Variants in KCNN4 observed in about 807,000 individuals in gnomAD.
The protein encoded by KCNN4 is potassium calcium-activated channel subfamily N member 4, also known as intermediate conductance calcium-activated potassium channel protein 4.
KCNN4 carries 31 observed loss-of-function variants against 45.2 expected under a neutral mutation model. The observed-to-expected ratio is 0.69, with a 90% CI of 0.52 to 0.92. KCNN4 has a LOEUF of 0.92. Among genes scored for constraint, KCNN4 ranks in the 40% least tolerant of loss-of-function variants. KCNN4 has a pLI of 0.00. For missense variants in KCNN4, 463 were observed against 574.0 expected (o/e 0.81, Z 1.98); for synonymous variants, 231 against 254.6 (o/e 0.91, Z 0.88).
chr19:43,780,457 C>T (rs1476432098), intron 1 of KCNN4, among the ~76,000 whole-genome samples: 1 of 135,278 alleles, frequency 7.4e-6, no homozygotes, highest in Non-Finnish European at 1.6e-5. Flanking sequence ...GAGTCCTGAC[C>T]CCCAGCCCCT....
chr19:43,770,724 T>C (rs1024894268), intron 4 of KCNN4, among the ~76,000 whole-genome samples: 1 of 152,128 alleles, frequency 6.6e-6, no homozygotes, highest in Non-Finnish European at 1.5e-5. Context: ...CTGGCAAGTG[T>C]GTAGGGCAGA....
At chr19:43,775,307 A>G (rs1969768484) in intron 2 of KCNN4, among the ~76,000 whole-genome samples, 1 of 152,214 alleles carries the variant, frequency 6.6e-6, no homozygotes, top group South Asian at 2.1e-4. Context: ...AGCCTGGGTG[A>G]CAGAGCGAGA....
chr19:43,774,313 C>A lies in KCNN4; in HGVS notation c.562G>T (p.Val188Phe). The A allele has an allele frequency of 6.2e-7, 1 of 1,612,172 alleles. No individual in the cohort carries two copies. Among genetic ancestry groups the A allele is most frequent in the Non-Finnish European group, 8.5e-7 (1 of 1,179,160 alleles). Residue 188 changes from valine (V) to phenylalanine (F), a missense_variant, in exon 3 of 9, where the codon GTC becomes TTC. Val to Phe is a conservative substitution (Grantham distance 50). Around this residue, in one of 3 missense-constraint regions of KCNN4, gnomAD observed 109 missense variants for 183.7 expected, o/e 0.59. Transcript: ENST00000648319. The surrounding 1 kb of genome is among the most constrained non-coding windows in gnomAD (Gnocchi z 5.6). ...GCCACGAACCAGTGGCGGAAGCGGA[C>A]TTGATTGAGAGCGCCGATGCTGCGG... ...SYRSIGALNQVRFRHWFVAKL... is the reference protein window; with the variant it reads ...SYRSIGALNQFRFRHWFVAKL...
In KCNN4 at chr19:43,774,651, A is replaced by G; in HGVS notation, c.256-32T>C. 1 of 1,474,964 alleles carries G rather than the reference A, an allele frequency of 6.8e-7. No homozygotes were observed. The allele number at this position is 1,474,964 out of a possible 1,614,324, so 91.4% of individuals were successfully genotyped here. A position where few individuals can be genotyped will look rare whatever the true frequency, so the allele number is the denominator to read the frequency against. Reference sequence around the variant, plus strand: ...GTAGGGGGCCAAGAAGGGAGGGGTCAGGAGCAGGTCAGGCGCAGGTCAGGC... The same window carrying G: ...GTAGGGGGCCAAGAAGGGAGGGGTCGGGAGCAGGTCAGGCGCAGGTCAGGC... On this transcript the variant is annotated intron_variant, in intron 2 of 8. Coordinates refer to ENST00000648319, the MANE Select transcript of KCNN4 (RefSeq NM_002250.3). The surrounding 1 kb of genome is among the most constrained non-coding windows in gnomAD (Gnocchi z 5.6).
intron 1 of KCNN4, among the ~76,000 whole-genome samples, chr19:43,780,348 C>A (rs972607473): frequency 9.2e-5 from 14 of 151,490 alleles, no homozygotes; most frequent in Admixed American, 2.0e-4. Flanking sequence ...AGTCTAGGCC[C>A]CCAACCTCTC....
rs199621066 is a variant in KCNN4 at position 43,771,958 on chromosome 19, A to T, written c.819+42T>A. ...GGCTTCCTGGGGCCAGAGGATGACC[A>T]GTTTGGGATAGGGATCATGTCCCCA... On this transcript the variant is annotated intron_variant, in intron 4 of 8. Transcript: ENST00000648319. 3 of 1,546,758 alleles carry T rather than the reference A, an allele frequency of 1.9e-6. No homozygotes were observed. In the South Asian group the frequency reaches 3.7e-5, roughly 19 times the overall value.
At chr19:43,778,548 CT>C (rs770038155) in intron 1 of KCNN4, among the ~76,000 whole-genome samples, 14 of 152,310 alleles carry the variant, frequency 9.2e-5, no homozygotes, top group Non-Finnish European at 1.3e-4. Context: ...CCTCTATTGT[CT>C]TTTCTAACGC....
At position 43,769,507 on chromosome 19, in the gene KCNN4, A is replaced by G. The variant is rs374835279; in HGVS notation, c.984T>C (p.His328=). The G allele has an allele frequency of 5.0e-6, 8 of 1,614,080 alleles. No individual in the cohort carries two copies. In the Middle Eastern group the frequency reaches 4.9e-4, roughly 99 times the overall value. Residue 328 remains histidine (H), a synonymous_variant, in exon 6 of 9, where the codon CAT becomes CAC. Transcript: ENST00000648319. This position sits in a 1 kb window ranked among gnomAD's most constrained non-coding sequence, Gnocchi z 4.4. Reference sequence around the variant, plus strand: ...CAGCATGAGACTCCTTCCTGCGAGTATGTTTGTAGAACATCCAGGCTTCTT... The same window carrying G: ...CAGCATGAGACTCCTTCCTGCGAGTGTGTTTGTAGAACATCCAGGCTTCTT... The part of the protein sequence containing the change: ...VLQEAWMFYK[H]TRRKESHAAR...
Position 43,769,200 on chromosome 19 carries a change from C to T in KCNN4, c.1050-168G>A. ...GGATGCACCCTGCCTCCCCACGAGC[C>T]CCCATCCCCAGTAGAAACCCAGGTA... is the stretch of plus-strand genomic sequence containing the variant. On this transcript the variant is annotated intron_variant, in intron 6 of 8. Transcript: ENST00000648319. The surrounding 1 kb of genome is among the most constrained non-coding windows in gnomAD (Gnocchi z 4.4). 2.6e-6 allele frequency: 2 copies of T among 757,338 alleles called. No individual in the cohort carries two copies. The highest frequency in any genetic ancestry group is 4.4e-6 in the Non-Finnish European group (2 of 451,650). The allele number at this position is 757,338 out of a possible 1,614,324, so 46.9% of individuals were successfully genotyped here. A position where few individuals can be genotyped will look rare whatever the true frequency, so the allele number is the denominator to read the frequency against.
Position 43,769,667 on chromosome 19 carries a change from C to T in KCNN4, c.930+52G>A, listed in dbSNP as rs1969588467. On this transcript the variant is annotated intron_variant, in intron 5 of 8. Transcript: ENST00000648319. The surrounding 1 kb of genome is among the most constrained non-coding windows in gnomAD (Gnocchi z 4.4). ...CCTAGGGGAAGCAGGGGCGCCTGGACTCCTGCTTCTTGGAAGAGGGGTGTC... is the reference window on the plus strand; with the variant it reads ...CCTAGGGGAAGCAGGGGCGCCTGGATTCCTGCTTCTTGGAAGAGGGGTGTC... 6.4e-7 allele frequency: 1 copy of T among 1,568,848 alleles called. No homozygotes were observed. The highest frequency in any genetic ancestry group is 8.8e-7 in the Non-Finnish European group (1 of 1,140,340).
Position 43,769,118 on chromosome 19 carries a change from C to T in KCNN4, c.1050-86G>A. On this transcript the variant is annotated intron_variant, in intron 6 of 8. Transcript: ENST00000648319. The surrounding 1 kb of genome is among the most constrained non-coding windows in gnomAD (Gnocchi z 4.4). The stretch of plus-strand genomic sequence containing the variant: ...AGGGGAGGAATGAAGGGAGGAGAGG[C>T]ACATGAAGAAACAAAACAAAGAAAC... The T allele has an allele frequency of 5.7e-6, 8 of 1,394,166 alleles. 1 individual carries two copies. The highest frequency in any genetic ancestry group is 8.2e-6 in the Non-Finnish European group (8 of 980,564). 86.4% of individuals were successfully genotyped at this position (1,394,166 alleles called of 1,614,324 possible).
Position 43,776,625 on chromosome 19 carries a change from G to C in KCNN4, c.171C>G (p.Tyr57Ter). 3.7e-6 allele frequency: 6 copies of C among 1,612,944 alleles called. No individual in the cohort carries two copies. Among genetic ancestry groups the C allele is most frequent in the Non-Finnish European group, 4.2e-6 (5 of 1,178,938 alleles). Residue 57 changes from tyrosine to a stop codon, truncating the protein, a stop_gained, in exon 2 of 9, where the codon TAC becomes TAG. Coordinates refer to ENST00000648319, the MANE Select transcript of KCNN4 (RefSeq NM_002250.3). LOFTEE classifies it high-confidence loss of function. ...LWFGGCSWAL[Y>*]LFLVKCTISI... ...TGATCGTGCATTTAACCAGGAACAG[G>C]TAGAGCGCCCACTGTCAGGGGGGAC...
chr19:43,774,449 C>T lies in KCNN4; in HGVS notation c.426G>A (p.Pro142=), dbSNP rs1334728807. 5.0e-6 allele frequency: 8 copies of T among 1,595,212 alleles called. No homozygotes were observed. Among genetic ancestry groups the T allele is most frequent in the South Asian group, 3.4e-5 (3 of 89,146 alleles). The part of the protein sequence containing the change: ...GAPLTSPQPW[P]GFLGQGEALL... ...GCGCTTCCCCTTGGCCCAGGAATCCCGGCCAGGGCTGCGGGGAGGTCAGCG... is the reference window on the plus strand; with the variant it reads ...GCGCTTCCCCTTGGCCCAGGAATCCTGGCCAGGGCTGCGGGGAGGTCAGCG... The change falls in exon 3 of 9, where the codon CCG becomes CCA. Residue 142 remains proline, a synonymous_variant. Coordinates refer to ENST00000648319, the MANE Select transcript of KCNN4 (RefSeq NM_002250.3). This position sits in a 1 kb window ranked among gnomAD's most constrained non-coding sequence, Gnocchi z 5.6.
rs768783661 is a variant in KCNN4, at chr19:43,769,513, G to A, written c.978C>T (p.Tyr326=). 6.2e-7 allele frequency: 1 copy of A among 1,614,218 alleles called. No homozygotes were observed. The highest frequency in any genetic ancestry group is 1.1e-5 in the South Asian group (1 of 91,088). The change falls in exon 6 of 9, where the codon TAC becomes TAT. Residue 326 remains tyrosine, a synonymous_variant. Transcript: ENST00000648319. The surrounding 1 kb of genome is among the most constrained non-coding windows in gnomAD (Gnocchi z 4.4). ...GAGACTCCTTCCTGCGAGTATGTTT[G>A]TAGAACATCCAGGCTTCTTGTAGCA... ...ARVLQEAWMF[Y]KHTRRKESHA... is the part of the protein sequence containing the mutation.
In KCNN4 at chr19:43,780,957, C is replaced by T. The variant is rs927405124; in HGVS notation, c.-96G>A. 14 of 1,283,460 alleles carry T rather than the reference C, an allele frequency of 1.1e-5. No homozygotes were observed. Among genetic ancestry groups the T allele is most frequent in the African/African-American group, 1.5e-5 (1 of 68,368 alleles). 79.5% of individuals were successfully genotyped at this position (1,283,460 alleles called of 1,614,324 possible). ...GCCACTGTGGCTTGCAGGTCGTCAGCCTGCTCTGCTGGCTCTGGGACTTTT... is the reference window on the plus strand; with the variant it reads ...GCCACTGTGGCTTGCAGGTCGTCAGTCTGCTCTGCTGGCTCTGGGACTTTT... On this transcript the variant is annotated 5_prime_UTR_variant, in exon 1 of 9. Coordinates refer to ENST00000648319, the MANE Select transcript of KCNN4 (RefSeq NM_002250.3).
chr19:43,780,710 C>A lies in KCNN4; in HGVS notation c.152G>T (p.Gly51Val). The stretch of plus-strand genomic sequence containing the variant: ...CCACCATGCCCCACTCACCGAGCAC[C>A]CCCCGAACCACAGCATCTCTGCATG... Reference protein sequence around the residue: ...VLHAEMLWFGGCSWALYLFLV... With the variant: ...VLHAEMLWFGVCSWALYLFLV... Residue 51 changes from glycine (G) to valine (V), a missense_variant, in exon 1 of 9, where the codon GGG (glycine) becomes GTG (valine). Coordinates refer to ENST00000648319, the MANE Select transcript of KCNN4 (RefSeq NM_002250.3). 1.2e-6 allele frequency: 2 copies of A among 1,613,274 alleles called. No individual in the cohort carries two copies. Among genetic ancestry groups the A allele is most frequent in the Non-Finnish European group, 1.7e-6 (2 of 1,179,736 alleles).
At position 43,769,517 on chromosome 19, in the gene KCNN4, A is replaced by C. The variant is rs1230128058; in HGVS notation, c.974T>G (p.Phe325Cys). 9.9e-6 allele frequency: 16 copies of C among 1,614,066 alleles called. No homozygotes were observed. Among genetic ancestry groups the C allele is most frequent in the African/African-American group, 2.7e-5 (2 of 74,918 alleles). The part of the protein sequence containing the change: ...AARVLQEAWM[F>C]YKHTRRKESH... The stretch of plus-strand genomic sequence containing the variant: ...CTCCTTCCTGCGAGTATGTTTGTAG[A>C]ACATCCAGGCTTCTTGTAGCACTCG... The change falls in exon 6 of 9, where the codon TTC becomes TGC. Residue 325 changes from phenylalanine to cysteine, a missense_variant. Phe to Cys is a radical substitution (Grantham distance 205). This residue lies in a region of KCNN4 where 129 missense variants were observed against 149.4 expected (regional missense o/e 0.86). Transcript: ENST00000648319. This position sits in a 1 kb window ranked among gnomAD's most constrained non-coding sequence, Gnocchi z 4.4.
chr19:43,780,696 C>G lies in KCNN4; in HGVS notation c.159+7G>C. 6.2e-7 allele frequency: 1 copy of G among 1,612,302 alleles called. No homozygotes were observed. Among genetic ancestry groups the G allele is most frequent in the Non-Finnish European group, 8.5e-7 (1 of 1,179,168 alleles). ...GTCCCAGCTCCCAGCCACCATGCCCCACTCACCGAGCACCCCCCGAACCAC... is the reference window on the plus strand; with the variant it reads ...GTCCCAGCTCCCAGCCACCATGCCCGACTCACCGAGCACCCCCCGAACCAC... On this transcript the variant is annotated splice_region_variant and intron_variant, in intron 1 of 8. Coordinates refer to ENST00000648319, the MANE Select transcript of KCNN4 (RefSeq NM_002250.3).
chr19:43,774,127 C>A lies in KCNN4; in HGVS notation c.683+65G>T, dbSNP rs910037332. On this transcript the variant is annotated intron_variant, in intron 3 of 8. Transcript: ENST00000648319. The surrounding 1 kb of genome is among the most constrained non-coding windows in gnomAD (Gnocchi z 5.6). ...TAGGGGGCCTCAACCTGCACCGCGGCACAGGACGGCCGCCGTGGCTGTCCG... is the reference window on the plus strand; with the variant it reads ...TAGGGGGCCTCAACCTGCACCGCGGAACAGGACGGCCGCCGTGGCTGTCCG... 2.0e-6 allele frequency: 3 copies of A among 1,499,732 alleles called. No homozygotes were observed. The African/African-American group carries it at 4.1e-5, about 21-fold the overall frequency. The allele number at this position is 1,499,732 out of a possible 1,614,324, so 92.9% of individuals were successfully genotyped here. A position where few individuals can be genotyped will look rare whatever the true frequency, so the allele number is the denominator to read the frequency against.
Sources: allele counts gnomAD v4.1 joint callset (sites outside exome capture counted in the v4.1 genomes callset), GRCh38; gene constraint gnomAD v4.1.1; regional missense constraint gnomAD v4.1.1; non-coding constraint Gnocchi (gnomAD v3.1); transcripts MANE v1.5; gene names NCBI Gene and HGNC (gene_info 2026-07-23, HGNC 2026-07-21).